BPTF: variants seen among roughly 807,000 people sequenced by gnomAD.
The protein encoded by BPTF is bromodomain PHD finger transcription factor.
BPTF carries 18 observed loss-of-function variants against 292.5 expected under a neutral mutation model. That is an observed-to-expected ratio of 0.06 (90% CI 0.04 to 0.09). The LOEUF is 0.09. Ranked by LOEUF, BPTF falls within the 10% of genes least tolerant of loss-of-function variation. The probability of loss-of-function intolerance (pLI) is 1.00; values close to 1 mark genes in which losing one functional copy is unlikely to be tolerated. For synonymous variants in BPTF, 1,225 were observed against 1,251.9 expected (o/e 0.98, Z 0.45); for missense variants, 2,726 against 3,498.7 (o/e 0.78, Z 5.57).
intron 10 of BPTF, among the ~76,000 whole-genome samples, chr17:67,910,352 T>G (rs968886569): frequency 1.3e-5 from 2 of 152,196 alleles, no homozygotes; most frequent in African/African-American, 4.8e-5. Context: ...CCATGCGTTT[T>G]CACTTCTCTT....
rs201036890 is a variant in BPTF, at chr17:67,928,429, C to G, written c.5826C>G (p.Thr1942=). ...TTSPTSSTTS[T]ISPAQKVMVA... The stretch of plus-strand genomic sequence containing the variant: ...CCCCAACAAGCAGTACAACCAGCAC[C>G]ATCTCTCCAGCACAGAAGGTTATGG... Residue 1942 remains threonine, a synonymous_variant, in exon 16 of 28, where the codon ACC becomes ACG. Transcript: ENST00000306378. The G allele has an allele frequency of 1.2e-6, 2 of 1,614,142 alleles. No individual in the cohort carries two copies. The highest frequency in any genetic ancestry group is 4.5e-5 in the East Asian group (2 of 44,876).
intron 4 of BPTF, among the ~76,000 whole-genome samples, chr17:67,885,010 CT>C (rs1163982552): frequency 2.6e-5 from 4 of 152,056 alleles, no homozygotes; most frequent in African/African-American, 9.7e-5. Context: ...ATTTTCTTTT[CT>C]TTTATGACTG....
intron 11 of BPTF, among the ~76,000 whole-genome samples, 163 bp from the exon 12 acceptor site, chr17:67,918,551 T>C (rs2063212369): frequency 6.6e-6 from 1 of 152,208 alleles, no homozygotes; most frequent in Non-Finnish European, 1.5e-5. Flanking sequence ...GTTTTTCTTT[T>C]AAAGGACATA....
Position 67,982,424 on chromosome 17 carries a change from C to T in BPTF, c.*136C>T. ...TAAACTTCGTTTTTATTGGTCATAA[C>T]AGTCCAATTATATTCTTGGCCAATT... On this transcript the variant is annotated 3_prime_UTR_variant, in exon 28 of 28. Coordinates refer to ENST00000306378, the MANE Select transcript of BPTF (RefSeq NM_182641.4). 2.8e-6 allele frequency: 2 copies of T among 717,512 alleles called. No individual in the cohort carries two copies. Among genetic ancestry groups the T allele is most frequent in the Non-Finnish European group, 4.4e-6 (2 of 455,394 alleles). 44.4% of individuals were successfully genotyped at this position (717,512 alleles called of 1,614,324 possible). A position where few individuals can be genotyped will look rare whatever the true frequency, so the allele number is the denominator to read the frequency against.
At chr17:67,858,677 G>A (rs1297006614) in intron 2 of BPTF, among the ~76,000 whole-genome samples, 4 of 152,222 alleles carry the variant, frequency 2.6e-5, no homozygotes, top group East Asian at 1.9e-4. Flanking sequence ...CAGTTAGCAG[G>A]TCACGTTCAC....
rs1280925816 is a variant in BPTF, at chr17:67,968,072, G to A, written c.8539+1416G>A. 4.0e-5 allele frequency among the ~76,000 whole-genome samples: 6 copies of A among 151,278 alleles called. 1 individual carries two copies. Among genetic ancestry groups the A allele is most frequent in the South Asian group, 2.1e-4 (1 of 4,816 alleles). On this transcript the variant is annotated intron_variant, in intron 26 of 27. Coordinates refer to ENST00000306378, the MANE Select transcript of BPTF (RefSeq NM_182641.4). ...ATGGTAATAGGAGCCACGAGTAATCGTATCAACACGAATGGCTACAAATGA... is the reference window on the plus strand; with the variant it reads ...ATGGTAATAGGAGCCACGAGTAATCATATCAACACGAATGGCTACAAATGA...
At chr17:67,938,565 A>G (rs1183757946) in intron 18 of BPTF, among the ~76,000 whole-genome samples, 1 of 152,238 alleles carries the variant, frequency 6.6e-6, no homozygotes, top group Admixed American at 6.5e-5. Context: ...AATTGGCTGC[A>G]TGACAGTGGT....
At chr17:67,950,423 G>A (rs1238267189) in intron 23 of BPTF, among the ~76,000 whole-genome samples, 2 of 152,116 alleles carry the variant, frequency 1.3e-5, no homozygotes, top group African/African-American at 2.4e-5. Context: ...ATTTCTGGAA[G>A]TTCTGGCAAA....
At chr17:67,858,557 A>G (rs1207715650) in intron 2 of BPTF, among the ~76,000 whole-genome samples, 1 of 88,742 alleles carries the variant, frequency 1.1e-5, no homozygotes, top group East Asian at 1.2e-3. Context: ...TCTGTCTCCA[A>G]AAAAAAAAAA....
In BPTF at chr17:67,929,495, T is replaced by A. The variant is rs779646270; in HGVS notation, c.6150+8T>A. 6.2e-7 allele frequency: 1 copy of A among 1,613,594 alleles called. No homozygotes were observed. Among genetic ancestry groups the A allele is most frequent in the Non-Finnish European group, 8.5e-7 (1 of 1,179,746 alleles). ...ACCACAAGCAATTCACAAGTAAGAATTCTTACAGACTTATTTGGTTTGATG... is the reference window on the plus strand; with the variant it reads ...ACCACAAGCAATTCACAAGTAAGAAATCTTACAGACTTATTTGGTTTGATG... On this transcript the variant is annotated splice_region_variant and intron_variant, in intron 17 of 27. Transcript: ENST00000306378.
intron 9 of BPTF, among the ~76,000 whole-genome samples, chr17:67,905,600 T>C (rs761632961): frequency 3.3e-5 from 5 of 151,822 alleles, no homozygotes; most frequent in Non-Finnish European, 5.9e-5. Flanking sequence ...TCCCAGCTAC[T>C]TGGGGGTCTG....
At chr17:67,917,131 C>CCTTTTTTTTTTTTTTTTTTTT (rs2063065953) in intron 11 of BPTF, among the ~76,000 whole-genome samples, 4 of 105,794 alleles carry the variant, frequency 3.8e-5, no homozygotes, top group African/African-American at 1.4e-4. Context: ...TGGTATTGTC[C>CCTTTTTTTTTTTTTTTTTTTT]TTTTTTTTTT....
At chr17:67,914,122 C>T (rs2062830461) in intron 11 of BPTF, among the ~76,000 whole-genome samples, 1 of 152,128 alleles carries the variant, frequency 6.6e-6, no homozygotes, top group Admixed American at 6.6e-5. Flanking sequence ...TTTGCTAGGA[C>T]CCTCAAATTA....
In BPTF at chr17:67,916,765, CAAAAAAAAAAA is replaced by C. The variant is rs768285922; in HGVS notation, c.5304-1939_5304-1929del. 1.2e-4 allele frequency among the ~76,000 whole-genome samples: 7 copies of C among 56,382 alleles called. No individual in the cohort carries two copies. In the South Asian group the frequency reaches 3.3e-3, roughly 26 times the overall value. The allele number at this position is 56,382 out of a possible 152,430, so 37.0% of individuals were successfully genotyped here. ...TGGGTGACAGAGCAATACTCTGTCT[CAAAAAAAAAAA>C]AAAAAAAAAGAAAGCATTGCCTTTT... On this transcript the variant is annotated intron_variant, in intron 11 of 27. Coordinates refer to ENST00000306378, the MANE Select transcript of BPTF (RefSeq NM_182641.4).
At chr17:67,896,182 T>C (rs568363779) in intron 7 of BPTF, among the ~76,000 whole-genome samples, 2 of 152,286 alleles carry the variant, frequency 1.3e-5, no homozygotes, top group East Asian at 1.9e-4. Context: ...CAGGATGGTC[T>C]CCATCTCCTG....
At chr17:67,857,417 C>T (rs2058763836) in intron 2 of BPTF, among the ~76,000 whole-genome samples, 1 of 151,362 alleles carries the variant, frequency 6.6e-6, no homozygotes, top group Non-Finnish European at 1.5e-5. Context: ...GCCTCGGCCT[C>T]CCAAAGTGCT....
At chr17:67,973,671 T>A (rs1436538501) in intron 26 of BPTF, among the ~76,000 whole-genome samples, 2 of 151,878 alleles carry the variant, frequency 1.3e-5, no homozygotes, top group East Asian at 3.9e-4. Context: ...ATGCCTGGCT[T>A]ATTTTTGCAT....
chr17:67,898,534 C>A (rs947081082), intron 7 of BPTF, among the ~76,000 whole-genome samples: 13 of 151,848 alleles, frequency 8.6e-5, no homozygotes, highest in Non-Finnish European at 7.4e-5. Flanking sequence ...GATCTTGAAT[C>A]TCTGACCTCA....
intron 4 of BPTF, among the ~76,000 whole-genome samples, chr17:67,888,589 CAAA>C (rs776548348): frequency 1.3e-4 from 8 of 63,544 alleles, no homozygotes; most frequent in African/African-American, 9.7e-5. Flanking sequence ...GACTCCGTCT[CAAA>C]AAAAAAAAAA....
Sources: allele counts gnomAD v4.1 joint callset (sites outside exome capture counted in the v4.1 genomes callset), GRCh38; gene constraint gnomAD v4.1.1; transcripts MANE v1.5; gene names NCBI Gene and HGNC (gene_info 2026-07-23, HGNC 2026-07-21).